The following IFT74 variants were observed in gnomAD, a reference collection of about 807,000 sequenced individuals.
IFT74 encodes the protein intraflagellar transport protein 74 homolog.
Under a neutral mutation model 96.7 loss-of-function variants are expected in IFT74, and 92 were observed. The ratio of observed to expected loss-of-function variants is 0.95; its 90% CI spans 0.80 to 1.13. IFT74 has a LOEUF of 1.13. IFT74 is among the 50% of genes most tolerant of loss of function. The pLI is 0.00. For missense variants in IFT74, 811 were observed against 698.2 expected, an observed-to-expected ratio of 1.16 and a Z score of -1.82; for synonymous variants, 223 against 213.2, an observed-to-expected ratio of 1.05 and a Z score of -0.40.
At position 26,978,177 on chromosome 9, in the gene IFT74, C is replaced by T. The variant is rs1024826666; in HGVS notation, c.170C>T (p.Thr57Ile). 2.5e-6 allele frequency: 4 copies of T among 1,612,858 alleles called. No homozygotes were observed. The Admixed American group carries it at 6.7e-5, about 27-fold the overall frequency. ...GGTTCTCGTGGTTGTCCCATAGGGACTGGTGGAGTTCTGTCTTCTCAAATC... is the reference window on the plus strand; with the variant it reads ...GGTTCTCGTGGTTGTCCCATAGGGATTGGTGGAGTTCTGTCTTCTCAAATC... ...RPGSRGCPIG[T>I]GGVLSSQIKV... Residue 57 changes from threonine (T) to isoleucine (I), a missense_variant, in exon 3 of 20, where the codon ACT (threonine) becomes ATT (isoleucine). Thr to Ile is a moderately conservative substitution (Grantham distance 89). Transcript: ENST00000380062.
intron 13 of IFT74, among the ~76,000 whole-genome samples, chr9:27,035,906 G>T (rs1819157872): frequency 6.6e-6 from 1 of 152,016 alleles, no homozygotes; most frequent in African/African-American, 2.4e-5. Context: ...TGGGATTAGG[G>T]GCACTGAGTG....
At chr9:27,027,523 G>A (rs937869920) in intron 12 of IFT74, among the ~76,000 whole-genome samples, 1 of 152,114 alleles carries the variant, frequency 6.6e-6, no homozygotes, top group Non-Finnish European at 1.5e-5. Flanking sequence ...TGGGTATGAA[G>A]CGGTGTCTCA....
intron 13 of IFT74, among the ~76,000 whole-genome samples, chr9:27,030,875 A>G (rs1830091619): frequency 6.6e-6 from 1 of 152,254 alleles, no homozygotes; most frequent in Non-Finnish European, 1.5e-5. Context: ...CAAGTAAAGC[A>G]GAACACACCA....
chr9:26,963,307 C>T (rs1282031665), intron 2 of IFT74, among the ~76,000 whole-genome samples: 1 of 152,078 alleles, frequency 6.6e-6, no homozygotes, highest in Non-Finnish European at 1.5e-5. Flanking sequence ...TTTATGATTG[C>T]ATGGTATTCC....
intron 3 of IFT74, among the ~76,000 whole-genome samples, chr9:26,979,718 T>TA (rs1318183618): frequency 8.5e-5 from 12 of 141,452 alleles, no homozygotes; most frequent in African/African-American, 3.2e-4. Context: ...TTTTTTTTTT[T>TA]TTTTTTTTTT....
rs1440128697 is a variant in IFT74, at chr9:26,956,474, C to G, written c.-62C>G. 6.6e-6 allele frequency: 1 copy of G among 152,312 alleles called. No homozygotes were observed. Among genetic ancestry groups the G allele is most frequent in the Non-Finnish European group, 1.5e-5 (1 of 68,106 alleles). 9.4% of individuals were successfully genotyped at this position (152,312 alleles called of 1,614,324 possible). Reference sequence around the variant, plus strand: ...CGTGGGCCTCAGAAAGAAGTTAAGGCACCCGCGAGCCGGGCAACTGCCCTC... The same window carrying G: ...CGTGGGCCTCAGAAAGAAGTTAAGGGACCCGCGAGCCGGGCAACTGCCCTC... On this transcript the variant is annotated 5_prime_UTR_variant, in exon 1 of 20. Transcript: ENST00000380062.
At chr9:26,954,214 C>G (rs1288701363), upstream of IFT74, among the ~76,000 whole-genome samples, 1 of 152,128 alleles carries the variant, frequency 6.6e-6, no homozygotes, top group Non-Finnish European at 1.5e-5. Flanking sequence ...AATTGGAGGC[C>G]ATTAGACTGA....
intron 10 of IFT74, among the ~76,000 whole-genome samples, chr9:27,012,706 C>CTTTTT (rs1563974323): frequency 1.1e-4 from 9 of 85,276 alleles, no homozygotes; most frequent in East Asian, 8.5e-4. Context: ...GTAAAAATGT[C>CTTTTT]TGTTTTTTTT....
At chr9:27,037,054 C>G (rs975840503) in intron 13 of IFT74, among the ~76,000 whole-genome samples, 2 of 151,886 alleles carry the variant, frequency 1.3e-5, no homozygotes, top group South Asian at 4.2e-4. Context: ...CCCGTCTCTA[C>G]TAAAAAATAC....
chr9:26,989,412 A>G (rs1354351864), intron 7 of IFT74, among the ~76,000 whole-genome samples: 1 of 152,218 alleles, frequency 6.6e-6, no homozygotes, highest in African/African-American at 2.4e-5. Context: ...TTGGTAGAAA[A>G]CAATAAAATA....
At chr9:27,039,843 A>T (rs1297688665) in intron 13 of IFT74, among the ~76,000 whole-genome samples, 2 of 152,220 alleles carry the variant, frequency 1.3e-5, no homozygotes, top group Non-Finnish European at 2.9e-5. Flanking sequence ...AGTCCCCATC[A>T]GATACCAAGG....
upstream of IFT74, among the ~76,000 whole-genome samples, chr9:26,954,197 A>G (rs1826013253): frequency 6.6e-6 from 1 of 152,250 alleles, no homozygotes; most frequent in African/African-American, 2.4e-5. Flanking sequence ...TAGTGTTAAA[A>G]TAATTAAATT....
intron 1 of IFT74, 35 bp from the exon 2 acceptor site, chr9:26,961,914 A>C: frequency 6.2e-7 from 1 of 1,608,958 alleles, no homozygotes; most frequent in African/African-American, 1.3e-5. Context: ...TAGAGAAGAC[A>C]TCAAAGGATT....
rs199543657 is a variant in IFT74, at chr9:27,011,919, T to A, written c.740T>A (p.Leu247His). 2.1e-4 allele frequency: 338 copies of A among 1,577,346 alleles called. No homozygotes were observed. Among genetic ancestry groups the A allele is most frequent in the Non-Finnish European group, 2.7e-4 (317 of 1,162,916 alleles). The change falls in exon 10 of 20, where the codon CTT (leucine) becomes CAT (histidine). Residue 247 changes from leucine to histidine, a missense_variant. Transcript: ENST00000380062. ...TTTTCCACTTAGGAATTAGATACACTTCAACAACAATTGGATTCACAGAAC... is the reference window on the plus strand; with the variant it reads ...TTTTCCACTTAGGAATTAGATACACATCAACAACAATTGGATTCACAGAAC... ...NEKLLQELDT[L>H]QQQLDSQNMK...
At chr9:26,996,844 T>A (rs1382773902) in intron 8 of IFT74, among the ~76,000 whole-genome samples, 1 of 152,174 alleles carries the variant, frequency 6.6e-6, no homozygotes, top group South Asian at 2.1e-4. Flanking sequence ...GAAGCACTTT[T>A]AAAAAATTAG....
intron 13 of IFT74, among the ~76,000 whole-genome samples, chr9:27,041,501 C>A (rs10967678): frequency 6.6e-6 from 1 of 151,964 alleles, no homozygotes; most frequent in Non-Finnish European, 1.5e-5. Flanking sequence ...TAGAAGTATG[C>A]GCACATCAAA....
chr9:27,013,804 G>C (rs895766347), intron 10 of IFT74, among the ~76,000 whole-genome samples: 6 of 152,176 alleles, frequency 3.9e-5, no homozygotes, highest in Admixed American at 2.0e-4. Flanking sequence ...CATGATGACA[G>C]TATTAGGAAC....
At chr9:27,056,085 C>T (rs1320074269) in intron 17 of IFT74, among the ~76,000 whole-genome samples, 2 of 151,912 alleles carry the variant, frequency 1.3e-5, no homozygotes, top group African/African-American at 4.8e-5. Context: ...CTTTCCATTG[C>T]CATTTACATT....
At chr9:26,975,979 C>T (rs761406694) in intron 2 of IFT74, among the ~76,000 whole-genome samples, 5 of 152,224 alleles carry the variant, frequency 3.3e-5, no homozygotes, top group Non-Finnish European at 7.3e-5. Flanking sequence ...GTGTTAACAT[C>T]ATCTACATAC....
Sources: gnomAD v4.1 joint callset for allele counts (sites outside exome capture counted in the v4.1 genomes callset) on GRCh38, gnomAD v4.1.1 for gene constraint, MANE v1.5 for transcripts, NCBI Gene and HGNC (gene_info 2026-07-23, HGNC 2026-07-21) for gene names.